The following IL1RAPL1 variants were observed in gnomAD, a reference collection of about 807,000 sequenced individuals.
IL1RAPL1 encodes interleukin-1 receptor accessory protein-like 1.
In IL1RAPL1, 3 loss-of-function variants were observed where a neutral mutation model predicts 48.4. That is an observed-to-expected ratio of 0.06 (90% CI 0.03 to 0.16). The LOEUF is 0.16. Among genes scored for constraint, IL1RAPL1 ranks in the 10% least tolerant of loss-of-function variants. The pLI, the probability that IL1RAPL1 is intolerant of heterozygous loss-of-function variation, is 1.00. For missense variants in IL1RAPL1, 349 were observed against 530.6 expected, an observed-to-expected ratio of 0.66 and a Z score of 3.36; for synonymous variants, 185 against 187.7, an observed-to-expected ratio of 0.99 and a Z score of 0.12.
chrX:29,350,191 TTA>T (rs397897010), intron 3 of IL1RAPL1, among the ~76,000 whole-genome samples: 8,807 of 39,329 alleles, frequency 0.22, 967 homozygotes, highest in East Asian at 0.6. Flanking sequence ...TACTGTTATT[TTA>T]TATATATATA....
chrX:29,841,752 G>C (rs948584221), intron 6 of IL1RAPL1, among the ~76,000 whole-genome samples: 7 of 111,709 alleles, frequency 6.3e-5, no homozygotes, highest in African/African-American at 2.3e-4. Flanking sequence ...AGGAATGGAA[G>C]TGGCTTCACA....
intron 6 of IL1RAPL1, among the ~76,000 whole-genome samples, chrX:29,860,036 T>A (rs1036701743): frequency 7.2e-5 from 8 of 111,785 alleles, no homozygotes; most frequent in Non-Finnish European, 1.1e-4. Flanking sequence ...ACAAAGAAAA[T>A]TGAAAAACTT....
intron 6 of IL1RAPL1, among the ~76,000 whole-genome samples, chrX:29,697,187 T>C (rs1926934632): frequency 8.9e-6 from 1 of 111,910 alleles, no homozygotes; most frequent in African/African-American, 3.3e-5. Flanking sequence ...ACCTGGCAAG[T>C]CACAATGGTA....
chrX:29,694,416 T>G (rs1926855507), intron 6 of IL1RAPL1, among the ~76,000 whole-genome samples: 1 of 112,020 alleles, frequency 8.9e-6, no homozygotes, highest in Non-Finnish European at 1.9e-5. Context: ...CAATCAGGGA[T>G]AGCAGGTCAT....
chrX:28,968,921 C>T (rs947241978), intron 2 of IL1RAPL1, among the ~76,000 whole-genome samples: 3 of 112,628 alleles, frequency 2.7e-5, no homozygotes, highest in Non-Finnish European at 5.6e-5. Flanking sequence ...GTGTTGTATA[C>T]ACTTTTTAGA....
chrX:29,585,067 A>G (rs5927851), intron 5 of IL1RAPL1, among the ~76,000 whole-genome samples: 31,875 of 111,297 alleles, frequency 0.29, 3,335 homozygotes, highest in South Asian at 0.45. Context: ...AGAACACTTA[A>G]CATGAGATCT....
intron 5 of IL1RAPL1, among the ~76,000 whole-genome samples, chrX:29,509,104 G>T (rs1457305422): frequency 2.7e-5 from 3 of 111,797 alleles, no homozygotes; most frequent in African/African-American, 9.8e-5. Context: ...TATATTAAGA[G>T]ATTTATTGCA....
intron 3 of IL1RAPL1, among the ~76,000 whole-genome samples, chrX:29,323,232 G>T (rs747452061): frequency 3.6e-5 from 4 of 111,076 alleles, no homozygotes; most frequent in Admixed American, 2.9e-4. Context: ...CAATCTTCTC[G>T]AGGGAGTAAT....
chrX:29,019,851 T>A (rs1440788714), intron 2 of IL1RAPL1, among the ~76,000 whole-genome samples: 1 of 112,303 alleles, frequency 8.9e-6, no homozygotes, highest in African/African-American at 3.2e-5. Context: ...GAATCTGCCA[T>A]GTACAAGACT....
chrX:29,094,044 T>G (rs1392406279), intron 2 of IL1RAPL1, among the ~76,000 whole-genome samples: 5 of 112,094 alleles, frequency 4.5e-5, no homozygotes, highest in Non-Finnish European at 9.4e-5. Context: ...ATTTCTTTTT[T>G]CTTCCTTACT....
At chrX:29,008,295 G>T (rs1373753402) in intron 2 of IL1RAPL1, among the ~76,000 whole-genome samples, 1 of 106,891 alleles carries the variant, frequency 9.4e-6, no homozygotes, top group African/African-American at 3.5e-5. Flanking sequence ...TCAGCCTCCC[G>T]AGTAGGGTAG....
At chrX:28,829,066 T>A (rs1179992058) in intron 2 of IL1RAPL1, among the ~76,000 whole-genome samples, 3 of 112,256 alleles carry the variant, frequency 2.7e-5, no homozygotes, top group Non-Finnish European at 5.6e-5. Flanking sequence ...ACTTCTTTTT[T>A]AAAATTTATC....
At chrX:29,662,514 T>A (rs1208637450) in intron 5 of IL1RAPL1, among the ~76,000 whole-genome samples, 1 of 112,228 alleles carries the variant, frequency 8.9e-6, no homozygotes, top group Non-Finnish European at 1.9e-5. Context: ...AAGCAGAAGT[T>A]TTGTCTGTCT....
At chrX:29,722,186 TA>T (rs1927653481) in intron 6 of IL1RAPL1, among the ~76,000 whole-genome samples, 1 of 112,021 alleles carries the variant, frequency 8.9e-6, no homozygotes, top group Non-Finnish European at 1.9e-5. Flanking sequence ...TTTTTTGTGG[TA>T]AAAAGGGCAT....
chrX:29,753,941 G>C (rs1375347570), intron 6 of IL1RAPL1, among the ~76,000 whole-genome samples: 2 of 111,804 alleles, frequency 1.8e-5, no homozygotes, highest in Non-Finnish European at 3.8e-5. Context: ...TAACACTCTT[G>C]ACAACTGTCC....
At chrX:29,808,434 T>C (rs962881876) in intron 6 of IL1RAPL1, among the ~76,000 whole-genome samples, 1 of 111,703 alleles carries the variant, frequency 9.0e-6, no homozygotes, top group East Asian at 2.8e-4. Flanking sequence ...TGTTTTAAAA[T>C]TTATAGAGTT....
At chrX:28,815,406 A>C (rs1394346129) in intron 2 of IL1RAPL1, among the ~76,000 whole-genome samples, 5 of 110,876 alleles carry the variant, frequency 4.5e-5, no homozygotes, top group African/African-American at 1.3e-4. Flanking sequence ...GAATCAAATC[A>C]GGATAATTGG....
intron 3 of IL1RAPL1, among the ~76,000 whole-genome samples, chrX:29,330,170 A>C (rs1241455187): frequency 8.9e-6 from 1 of 112,229 alleles, no homozygotes; most frequent in Non-Finnish European, 1.9e-5. Context: ...GATATGGTAT[A>C]TGAATTATAT....
chrX:28,983,025 A>G (rs1925380247), intron 2 of IL1RAPL1: 1 of 111,615 alleles, frequency 9.0e-6, no homozygotes, highest in South Asian at 3.7e-4. Context: ...AAACTCCTGC[A>G]TTCAACTATA....
Sources: gnomAD v4.1 joint callset for allele counts (sites outside exome capture counted in the v4.1 genomes callset) on GRCh38, gnomAD v4.1.1 for gene constraint, MANE v1.5 for transcripts, NCBI Gene and HGNC (gene_info 2026-07-23, HGNC 2026-07-21) for gene names.